Variants in PDE1A observed in about 807,000 individuals in gnomAD.
The protein encoded by PDE1A is dual specificity calcium/calmodulin-dependent 3',5'-cyclic nucleotide phosphodiesterase 1A.
Under a neutral mutation model 61.7 loss-of-function variants are expected in PDE1A, and 35 were observed. The observed-to-expected ratio is 0.57, with a 90% confidence interval of 0.43 to 0.75. PDE1A has a LOEUF of 0.75. Ranked by LOEUF, PDE1A falls within the 30% of genes least tolerant of loss-of-function variation. The pLI is 0.00. For missense variants in PDE1A, 597 were observed against 630.6 expected (o/e 0.95, Z 0.57); for synonymous variants, 232 against 213.2 (o/e 1.09, Z -0.77).
chr2:182,421,344 G>GAC (rs1703267586), intron 1 of PDE1A, among the ~76,000 whole-genome samples: 1 of 152,104 alleles, frequency 6.6e-6, no homozygotes, highest in South Asian at 2.1e-4. Context: ...CTGAGTGGAA[G>GAC]ACACCTCCCC....
intron 8 of PDE1A, among the ~76,000 whole-genome samples, chr2:182,205,397 C>T (rs1176492688): frequency 9.9e-5 from 15 of 151,742 alleles, no homozygotes; most frequent in Non-Finnish European, 2.9e-5. Context: ...GTTATTTTTC[C>T]CTACATAGCA....
At chr2:182,374,966 A>G (rs1700312630) in intron 1 of PDE1A, among the ~76,000 whole-genome samples, 1 of 152,182 alleles carries the variant, frequency 6.6e-6, no homozygotes, top group Non-Finnish European at 1.5e-5. Flanking sequence ...GGAGGATGCA[A>G]AAGTGGAAAC....
At chr2:182,687,453 C>G in the PDE1A span, among the ~76,000 whole-genome samples, 1 of 152,218 alleles carries the variant, frequency 6.6e-6, no homozygotes, top group Non-Finnish European at 1.5e-5. Flanking sequence ...CAAACTCCAA[C>G]AGACCTGCAG....
chr2:182,621,837 T>C, the PDE1A span, among the ~76,000 whole-genome samples: 3 of 152,212 alleles, frequency 2.0e-5, no homozygotes, highest in African/African-American at 4.8e-5. Context: ...ATGAGCTTTC[T>C]GATTTAGTAT....
the PDE1A span, among the ~76,000 whole-genome samples, chr2:182,707,697 T>C: frequency 6.6e-6 from 1 of 152,226 alleles, no homozygotes; most frequent in African/African-American, 2.4e-5. Flanking sequence ...CCATGGATTC[T>C]ATCAAATACT....
the PDE1A span, among the ~76,000 whole-genome samples, chr2:182,632,794 A>G: frequency 6.6e-6 from 1 of 152,194 alleles, no homozygotes; most frequent in South Asian, 2.1e-4. Flanking sequence ...CACAATTTTA[A>G]ATAAAAGTTT....
At chr2:182,370,069 C>G (rs555695037) in intron 1 of PDE1A, among the ~76,000 whole-genome samples, 1 of 151,700 alleles carries the variant, frequency 6.6e-6, no homozygotes, top group East Asian at 1.9e-4. Context: ...CCTAGCTACT[C>G]GGGAGGCTGA....
the PDE1A span, among the ~76,000 whole-genome samples, chr2:182,565,041 C>T: frequency 6.6e-6 from 1 of 151,924 alleles, no homozygotes; most frequent in Non-Finnish European, 1.5e-5. Flanking sequence ...CTGAAGCCTT[C>T]TTCTCTCAAC....
chr2:182,365,348 T>C (rs769925408), intron 1 of PDE1A, among the ~76,000 whole-genome samples: 2 of 152,036 alleles, frequency 1.3e-5, no homozygotes, highest in African/African-American at 4.8e-5. Context: ...CTATTGCTGT[T>C]TTCTCCTGTT....
intron 1 of PDE1A, among the ~76,000 whole-genome samples, chr2:182,293,060 A>C (rs1384099249): frequency 6.6e-6 from 1 of 152,102 alleles, no homozygotes; most frequent in Non-Finnish European, 1.5e-5. Context: ...ACAAATGTAT[A>C]GATGAGTGTA....
the PDE1A span, among the ~76,000 whole-genome samples, chr2:182,582,401 G>C: frequency 1.3e-5 from 2 of 152,198 alleles, no homozygotes; most frequent in Admixed American, 1.3e-4. Flanking sequence ...CTGCTTCCAA[G>C]GAACCCAGGC....
At chr2:182,441,080 A>G (rs2125676857) in intron 2 of PDE1A, among the ~76,000 whole-genome samples, 1 of 152,160 alleles carries the variant, frequency 6.6e-6, no homozygotes, top group Admixed American at 6.6e-5. Context: ...GACAGAAGAC[A>G]AAGGAAGAGC....
At chr2:182,438,996 G>A (rs1304505019) in intron 2 of PDE1A, among the ~76,000 whole-genome samples, 1 of 151,792 alleles carries the variant, frequency 6.6e-6, no homozygotes, top group Non-Finnish European at 1.5e-5. Context: ...GGCATTAATT[G>A]CAAAAAAGAG....
intron 1 of PDE1A, among the ~76,000 whole-genome samples, chr2:182,340,229 A>G (rs1698098506): frequency 6.6e-6 from 1 of 152,206 alleles, no homozygotes; most frequent in South Asian, 2.1e-4. Flanking sequence ...ATTTGCTTTC[A>G]GGCAAATTAT....
chr2:182,443,998 C>T (rs999709575), intron 2 of PDE1A, among the ~76,000 whole-genome samples: 5 of 152,060 alleles, frequency 3.3e-5, no homozygotes, highest in East Asian at 1.9e-4. Flanking sequence ...CCACCGCGCC[C>T]GGCCAAACTT....
chr2:182,153,753 G>T (rs17366198), intron 13 of PDE1A, among the ~76,000 whole-genome samples: 42,270 of 151,996 alleles, frequency 0.28, 6,576 homozygotes, highest in Non-Finnish European at 0.34. Flanking sequence ...GATTTGGCTC[G>T]TAGAGGCAAG....
chr2:182,154,121 G>A (rs1020991992), intron 13 of PDE1A, among the ~76,000 whole-genome samples: 1 of 152,044 alleles, frequency 6.6e-6, no homozygotes, highest in African/African-American at 2.4e-5. Context: ...AAACTATTCT[G>A]GTTGATTGAG....
intron 2 of PDE1A, among the ~76,000 whole-genome samples, chr2:182,460,980 T>C (rs1447834909): frequency 1.3e-5 from 2 of 152,186 alleles, no homozygotes; most frequent in African/African-American, 2.4e-5. Flanking sequence ...AGAGAATTCA[T>C]GGTCAAATGA....
At chr2:182,339,169 T>C (rs1698024999) in intron 1 of PDE1A, among the ~76,000 whole-genome samples, 2 of 152,190 alleles carry the variant, frequency 1.3e-5, no homozygotes, top group South Asian at 4.1e-4. Flanking sequence ...TAGGAGTCCT[T>C]TAGTAGAACT....
Sources: gnomAD v4.1 joint callset for allele counts (sites outside exome capture counted in the v4.1 genomes callset) on GRCh38, gnomAD v4.1.1 for gene constraint, MANE v1.5 for transcripts, NCBI Gene and HGNC (gene_info 2026-07-23, HGNC 2026-07-21) for gene names.